USH2A: variants seen among roughly 807,000 people sequenced by gnomAD.
The protein encoded by USH2A is usherin.
In USH2A, 443 loss-of-function variants were observed where a neutral mutation model predicts 538.9. The observed-to-expected ratio is 0.82, with a 90% confidence interval of 0.76 to 0.89. The LOEUF (loss-of-function observed/expected upper bound fraction) is 0.89. Among genes scored for constraint, USH2A ranks in the 40% least tolerant of loss-of-function variants. USH2A has a pLI of 0.00. For synonymous variants in USH2A, 2,413 were observed against 2,273.5 expected, an observed-to-expected ratio of 1.06 and a Z score of -1.75; for missense variants, 6,633 against 6,324.8, an observed-to-expected ratio of 1.05 and a Z score of -1.65.
chr1:215,765,471 G>T (rs557330964), intron 56 of USH2A, among the ~76,000 whole-genome samples: 3 of 152,094 alleles, frequency 2.0e-5, no homozygotes, highest in Non-Finnish European at 4.4e-5. Context: ...TGGACAAGTA[G>T]TTCAGGAGTC....
intron 21 of USH2A, among the ~76,000 whole-genome samples, chr1:216,171,763 C>CA (rs2034280267): frequency 1.3e-5 from 2 of 151,908 alleles, no homozygotes; most frequent in Admixed American, 6.6e-5. Flanking sequence ...AACAGAAGCA[C>CA]AAAAAATGAT....
intron 3 of USH2A, among the ~76,000 whole-genome samples, chr1:216,410,874 A>C (rs2039476910): frequency 6.6e-6 from 1 of 152,168 alleles, no homozygotes. Context: ...TATTGTCTTC[A>C]TGCTGTAAGT....
intron 15 of USH2A, among the ~76,000 whole-genome samples, chr1:216,214,862 G>A (rs1231716788): frequency 1.3e-5 from 2 of 152,038 alleles, no homozygotes; most frequent in Non-Finnish European, 2.9e-5. Context: ...ATACGTGTGT[G>A]TGTGTATGTG....
At chr1:216,170,159 A>C (rs1039532226) in intron 21 of USH2A, among the ~76,000 whole-genome samples, 6 of 152,172 alleles carry the variant, frequency 3.9e-5, no homozygotes, top group Non-Finnish European at 8.8e-5. Flanking sequence ...CAATTCACTA[A>C]AAATAAGAAG....
chr1:215,918,164 T>C (rs957371675), intron 38 of USH2A, among the ~76,000 whole-genome samples: 1 of 152,060 alleles, frequency 6.6e-6, no homozygotes, highest in Non-Finnish European at 1.5e-5. Context: ...ATAAAAGTCA[T>C]TGTAACAACG....
chr1:215,626,801 TA>T (rs1656040467), intron 71 of USH2A, among the ~76,000 whole-genome samples: 1 of 152,170 alleles, frequency 6.6e-6, no homozygotes, highest in Non-Finnish European at 1.5e-5. Flanking sequence ...GTTCTTTTTG[TA>T]AAAAATGAGG....
chr1:215,816,717 G>A (rs185526534), intron 48 of USH2A, among the ~76,000 whole-genome samples: 1 of 152,152 alleles, frequency 6.6e-6, no homozygotes, highest in East Asian at 1.9e-4. Flanking sequence ...GAAAAGATCT[G>A]TTGTAAAGAA....
chr1:215,918,108 G>A (rs1041853069), intron 38 of USH2A, among the ~76,000 whole-genome samples: 31 of 152,066 alleles, frequency 2.0e-4, no homozygotes, highest in Non-Finnish European at 7.4e-5. Flanking sequence ...GAATAGTGGA[G>A]AAAAATTTAG....
At chr1:215,894,773 G>A (rs143586471) in intron 40 of USH2A, among the ~76,000 whole-genome samples, 90 of 152,166 alleles carry the variant, frequency 5.9e-4, no homozygotes, top group Non-Finnish European at 1.1e-3. Flanking sequence ...CACCCTCCTC[G>A]CCTCATACTC....
intron 9 of USH2A, among the ~76,000 whole-genome samples, chr1:216,305,571 CT>C (rs59954061): frequency 1.3e-5 from 2 of 150,346 alleles, no homozygotes; most frequent in South Asian, 4.2e-4. Flanking sequence ...TGCCTGAATG[CT>C]TTTTTTTAAA....
chr1:215,937,649 T>C (rs986057517), intron 37 of USH2A, among the ~76,000 whole-genome samples: 2 of 152,140 alleles, frequency 1.3e-5, no homozygotes, highest in Non-Finnish European at 2.9e-5. Flanking sequence ...ACATGCTCAA[T>C]TGTAAACTTT....
chr1:216,247,351 T>C (rs2036072822), intron 12 of USH2A, 125 bp from the exon 13 acceptor site: 1 of 1,185,804 alleles, frequency 8.4e-7, no homozygotes, highest in South Asian at 1.3e-5. Flanking sequence ...TCACAAGCAA[T>C]GCCATAGGGG....
intron 9 of USH2A, among the ~76,000 whole-genome samples, chr1:216,297,266 A>G (rs2037125851): frequency 6.6e-6 from 1 of 152,060 alleles, no homozygotes; most frequent in Admixed American, 6.5e-5. Flanking sequence ...GCCCTCAGCA[A>G]ACTTGCCTAC....
At chr1:216,217,718 A>C (rs1346315051) in intron 14 of USH2A, among the ~76,000 whole-genome samples, 168 bp from the exon 15 acceptor site, 1 of 152,114 alleles carries the variant, frequency 6.6e-6, no homozygotes, top group Non-Finnish European at 1.5e-5. Context: ...AAAATAAAGG[A>C]AAATAGAAAA....
chr1:215,992,663 G>A (rs3856186), intron 35 of USH2A, among the ~76,000 whole-genome samples: 9 of 152,018 alleles, frequency 5.9e-5, no homozygotes, highest in African/African-American at 2.2e-4. Flanking sequence ...TCTCTCCTTC[G>A]CCAAGGAAGA....
chr1:215,687,604 A>G (rs1354016011), intron 61 of USH2A, among the ~76,000 whole-genome samples: 2 of 152,168 alleles, frequency 1.3e-5, no homozygotes, highest in Non-Finnish European at 2.9e-5. Context: ...AAGAGGAAAA[A>G]AATTAAATTT....
chr1:215,759,419 T>G (rs1400281365), intron 57 of USH2A, among the ~76,000 whole-genome samples: 1 of 152,130 alleles, frequency 6.6e-6, no homozygotes, highest in Non-Finnish European at 1.5e-5. Flanking sequence ...TCATGTATTT[T>G]GTATATTTAA....
chr1:215,894,989 A>G (rs193207040), intron 40 of USH2A, among the ~76,000 whole-genome samples: 92 of 152,258 alleles, frequency 6.0e-4, no homozygotes, highest in Middle Eastern at 6.8e-3. Context: ...CCTGGCCCTC[A>G]TGTTGAGGGG....
chr1:215,740,994 G>A (rs945664438), intron 60 of USH2A, among the ~76,000 whole-genome samples: 2 of 152,132 alleles, frequency 1.3e-5, no homozygotes, highest in African/African-American at 4.8e-5. Context: ...CACCTGCTGT[G>A]TGGCCCGGTT....
Sources: allele counts gnomAD v4.1 joint callset (sites outside exome capture counted in the v4.1 genomes callset), GRCh38; gene constraint gnomAD v4.1.1; transcripts MANE v1.5; gene names NCBI Gene and HGNC (gene_info 2026-07-23, HGNC 2026-07-21).